WDR27: variants seen among roughly 807,000 people sequenced by gnomAD.
WDR27 encodes the protein WD repeat-containing protein 27.
In WDR27, 100 loss-of-function variants were observed where a neutral mutation model predicts 114.4. The observed-to-expected ratio is 0.87, with a 90% CI of 0.74 to 1.03. The LOEUF (loss-of-function observed/expected upper bound fraction) is 1.03. Ranked by LOEUF, WDR27 falls within the 50% of genes least tolerant of loss-of-function variation. The pLI is 0.00. For missense variants in WDR27, 1,129 were observed against 1,092.9 expected, an observed-to-expected ratio of 1.03 and a Z score of -0.47; for synonymous variants, 449 against 423.1, an observed-to-expected ratio of 1.06 and a Z score of -0.75.
At chr6:169,638,783 G>A (rs112548940) in intron 17 of WDR27, 123 bp from the exon 18 acceptor site, 12,286 of 1,210,018 alleles carry the variant, frequency 0.01, 301 homozygotes, top group African/African-American at 0.087. Context: ...AATTAGGGGC[G>A]CGCCAGGAGG....
intron 25 of WDR27, among the ~76,000 whole-genome samples, chr6:169,483,734 T>G (rs1788511064): frequency 6.6e-6 from 1 of 150,932 alleles, no homozygotes; most frequent in Admixed American, 6.6e-5. Flanking sequence ...CACAGAAAAC[T>G]TCAGGCCAAT....
intron 8 of WDR27, among the ~76,000 whole-genome samples, 162 bp from the exon 9 acceptor site, chr6:169,662,586 GTGTGCACCA>G (rs1826538004): frequency 6.6e-6 from 1 of 150,994 alleles, no homozygotes; most frequent in African/African-American, 2.4e-5. Flanking sequence ...AGCATGACGC[GTGTGCACCA>G]CGGAGTCACT....
At chr6:169,555,971 T>C (rs866730589) in intron 25 of WDR27, among the ~76,000 whole-genome samples, 1 of 152,042 alleles carries the variant, frequency 6.6e-6, no homozygotes, top group South Asian at 2.1e-4. Flanking sequence ...CCAAAATCAG[T>C]TTGTGATGGA....
chr6:169,643,122 T>C (rs1215829354), intron 17 of WDR27, among the ~76,000 whole-genome samples: 8 of 152,222 alleles, frequency 5.3e-5, no homozygotes, highest in Admixed American at 3.9e-4. Context: ...GTGTTGTTTC[T>C]GTGCTTCTGT....
chr6:169,448,907 G>A, the WDR27 span, among the ~76,000 whole-genome samples: 1 of 152,152 alleles, frequency 6.6e-6, no homozygotes. Flanking sequence ...CATTATCACG[G>A]CAAGAGTGCA....
chr6:169,585,412 CA>C (rs1259460389), intron 23 of WDR27, among the ~76,000 whole-genome samples: 3 of 152,114 alleles, frequency 2.0e-5, no homozygotes, highest in Non-Finnish European at 4.4e-5. Context: ...AATGACTAAG[CA>C]GGTTTTGAAG....
chr6:169,568,059 G>A (rs954057555), intron 25 of WDR27, among the ~76,000 whole-genome samples: 1 of 152,186 alleles, frequency 6.6e-6, no homozygotes, highest in African/African-American at 2.4e-5. Flanking sequence ...AAAGGAGAGG[G>A]AGCGTCAGCT....
chr6:169,637,985 T>C (rs146256828), intron 18 of WDR27, among the ~76,000 whole-genome samples: 128 of 152,378 alleles, frequency 8.4e-4, no homozygotes, highest in African/African-American at 2.8e-3. Flanking sequence ...TCTGTGCCTA[T>C]TGCATGTGTG....
the WDR27 span, among the ~76,000 whole-genome samples, chr6:169,444,823 AGT>A: frequency 3.9e-5 from 6 of 152,180 alleles, no homozygotes; most frequent in African/African-American, 1.4e-4. Context: ...TGAGGCAAAC[AGT>A]GTCACTGTTC....
At position 169,523,068 on chromosome 6, in the gene WDR27, G is replaced by A. The variant is rs2997895; in HGVS notation, c.2645+49351C>T. Among the ~76,000 whole-genome samples the A allele has an allele frequency of 3.3e-5, 5 of 151,854 alleles. No homozygotes were observed. In the South Asian group the frequency reaches 1.0e-3, roughly 31 times the overall value. On this transcript the variant is annotated intron_variant, in intron 25 of 25. Coordinates refer to ENST00000448612, the MANE Select transcript of WDR27 (RefSeq NM_182552.5). ...TTGGCTAGACTAAGAAAAATAGAGA[G>A]AGAATCCAAATAAACAGTATCAGAA...
At chr6:169,695,338 C>T (rs886429784) in intron 1 of WDR27, among the ~76,000 whole-genome samples, 24 of 152,166 alleles carry the variant, frequency 1.6e-4, no homozygotes, top group African/African-American at 5.8e-4. Flanking sequence ...AGAGACCCCA[C>T]TTACTGAGCT....
intron 18 of WDR27, among the ~76,000 whole-genome samples, chr6:169,638,322 C>CAAAAAAAAAA (rs60501000): frequency 2.3e-3 from 25 of 11,060 alleles, no homozygotes; most frequent in African/African-American, 4.7e-3. Context: ...GACTCCGTCT[C>CAAAAAAAAAA]AAAAAAAAAA....
At chr6:169,488,574 C>T (rs1270258313) in intron 25 of WDR27, among the ~76,000 whole-genome samples, 2 of 152,214 alleles carry the variant, frequency 1.3e-5, no homozygotes, top group African/African-American at 4.8e-5. Flanking sequence ...TGGTTTTGAC[C>T]TTTGCAATCC....
chr6:169,465,955 A>G (rs1785523945), intron 25 of WDR27, among the ~76,000 whole-genome samples: 1 of 152,226 alleles, frequency 6.6e-6, no homozygotes, highest in Non-Finnish European at 1.5e-5. Context: ...TGGTGACTGT[A>G]GAATGTGATG....
intron 14 of WDR27, among the ~76,000 whole-genome samples, chr6:169,650,219 A>G (rs1485859836): frequency 8.0e-6 from 1 of 125,268 alleles, no homozygotes; most frequent in African/African-American, 3.1e-5. Flanking sequence ...CCCACCATCC[A>G]TGCACCTACT....
chr6:169,512,774 G>C (rs996874350), intron 25 of WDR27, among the ~76,000 whole-genome samples: 1 of 152,152 alleles, frequency 6.6e-6, no homozygotes, highest in Non-Finnish European at 1.5e-5. Flanking sequence ...TTAAAAGAAA[G>C]TCATGTTTGA....
intron 2 of WDR27, among the ~76,000 whole-genome samples, chr6:169,676,915 T>G (rs1193394296): frequency 6.6e-6 from 1 of 152,224 alleles, no homozygotes; most frequent in African/African-American, 2.4e-5. Context: ...TCTCAGGACC[T>G]CAAGACTGTG....
chr6:169,555,937 T>A (rs550409832), intron 25 of WDR27, among the ~76,000 whole-genome samples: 1 of 152,254 alleles, frequency 6.6e-6, no homozygotes, highest in Non-Finnish European at 1.5e-5. Flanking sequence ...GAAAAATGAC[T>A]CTTTACCTTA....
At chr6:169,665,402 G>A in intron 7 of WDR27, 84 bp downstream of exon 7, 1 of 1,518,680 alleles carries the variant, frequency 6.6e-7, no homozygotes, top group Non-Finnish European at 8.8e-7. Context: ...AAAATACAAA[G>A]TAGCATGAAG....
Sources: gnomAD v4.1 joint callset for allele counts (sites outside exome capture counted in the v4.1 genomes callset) on GRCh38, gnomAD v4.1.1 for gene constraint, MANE v1.5 for transcripts, NCBI Gene and HGNC (gene_info 2026-07-23, HGNC 2026-07-21) for gene names.